Variants in AGBL4 observed in about 807,000 individuals in gnomAD.
AGBL4 encodes the protein AGBL carboxypeptidase 4, also known as cytosolic carboxypeptidase 6.
In AGBL4, 58 loss-of-function variants were observed where a neutral mutation model predicts 66.4. The observed-to-expected ratio is 0.87, with a 90% confidence interval of 0.71 to 1.09. The LOEUF (loss-of-function observed/expected upper bound fraction) is 1.09. Ranked by LOEUF, AGBL4 falls within the 50% of genes least tolerant of loss-of-function variation. The probability of loss-of-function intolerance (pLI) is 0.00; values close to 1 mark genes in which losing one functional copy is unlikely to be tolerated. For missense variants in AGBL4, 579 were observed against 631.0 expected, an observed-to-expected ratio of 0.92 and a Z score of 0.88; for synonymous variants, 234 against 222.9, an observed-to-expected ratio of 1.05 and a Z score of -0.44.
chr1:49,157,280 C>T (rs1458633990), intron 4 of AGBL4, among the ~76,000 whole-genome samples: 12 of 151,354 alleles, frequency 7.9e-5, no homozygotes, highest in African/African-American at 2.9e-4. Flanking sequence ...TTCCCCTCCC[C>T]GTGTCCATGT....
In AGBL4 at chr1:49,483,341, T is replaced by C. The variant is rs567196600; in HGVS notation, c.282+213972A>G. Reference sequence around the variant, plus strand: ...AGACACTGAACAAGACACCAAAAAATAGAAAATTATTCCCTGTTCATGGAT... The same window carrying C: ...AGACACTGAACAAGACACCAAAAAACAGAAAATTATTCCCTGTTCATGGAT... On this transcript the variant is annotated intron_variant, in intron 3 of 13. Transcript: ENST00000371839. Among the ~76,000 whole-genome samples, 5 of 152,134 alleles carry C rather than the reference T, an allele frequency of 3.3e-5. No homozygotes were observed. The East Asian group carries it at 9.7e-4, about 29-fold the overall frequency.
chr1:48,818,410 G>A (rs145998339), intron 6 of AGBL4, among the ~76,000 whole-genome samples: 33 of 152,196 alleles, frequency 2.2e-4, no homozygotes, highest in African/African-American at 7.7e-4. Context: ...TGCTTTTTTG[G>A]TCTGGGAGGT....
rs533744310 is a variant in AGBL4 at position 49,791,384 on chromosome 1, T to C, written c.157+60012A>G. ...CCTACTGTAAAATTTTCTGCCTTAG[T>C]GTAGTTCAATTCTAATAGCCCATTA... On this transcript the variant is annotated intron_variant, in intron 2 of 13. Transcript: ENST00000371839. Among the ~76,000 whole-genome samples, 9 of 152,206 alleles carry C rather than the reference T, an allele frequency of 5.9e-5. No individual in the cohort carries two copies. The South Asian group carries it at 1.7e-3, about 28-fold the overall frequency.
chr1:48,648,405 C>A (rs1039744108), intron 8 of AGBL4, among the ~76,000 whole-genome samples: 2 of 152,166 alleles, frequency 1.3e-5, no homozygotes, highest in Non-Finnish European at 2.9e-5. Context: ...TAGAGCCTCT[C>A]CCCCGCGCTT....
At chr1:49,330,025 G>A (rs796364494) in intron 3 of AGBL4, among the ~76,000 whole-genome samples, 11 of 152,142 alleles carry the variant, frequency 7.2e-5, no homozygotes, top group Non-Finnish European at 1.0e-4. Context: ...TGAAAAACAC[G>A]GAATGAAAAG....
At chr1:48,604,448 T>C (rs1293001890) in intron 9 of AGBL4, among the ~76,000 whole-genome samples, 1 of 152,188 alleles carries the variant, frequency 6.6e-6, no homozygotes, top group Non-Finnish European at 1.5e-5. Flanking sequence ...AATATGGCTA[T>C]TTGAATGAAA....
At chr1:49,845,201 C>A in intron 2 of AGBL4, 1 of 1,458,094 alleles carries the variant, frequency 6.9e-7, no homozygotes, top group Non-Finnish European at 9.6e-7. Flanking sequence ...AACAGCTCGG[C>A]ACTTACCAAA....
rs559033055 is a variant in AGBL4 at position 49,382,463 on chromosome 1, C to A, written c.283-136599G>T. On this transcript the variant is annotated intron_variant, in intron 3 of 13. Transcript: ENST00000371839. ...AAATTTTTTGACAAAATTCAATACC[C>A]TTTCATGATGAAAAAAAAAGTCAAC... Among the ~76,000 whole-genome samples the A allele has an allele frequency of 5.9e-5, 9 of 152,000 alleles. No homozygotes were observed. The South Asian group carries it at 1.9e-3, about 32-fold the overall frequency.
At chr1:49,939,922 A>G (rs1394052139) in intron 1 of AGBL4, among the ~76,000 whole-genome samples, 144 of 152,198 alleles carry the variant, frequency 9.5e-4, no homozygotes, top group African/African-American at 3.3e-3. Flanking sequence ...GCAACCTATA[A>G]AATGGGAGAA....
At position 49,530,550 on chromosome 1, in the gene AGBL4, C is replaced by T. The variant is rs1651054798; in HGVS notation, c.282+166763G>A. On this transcript the variant is annotated intron_variant, in intron 3 of 13. Coordinates refer to ENST00000371839, the MANE Select transcript of AGBL4 (RefSeq NM_032785.4). ...AGTTCAGTTTTCATTTAAGTATATC[C>T]CAGCCACCTCTCTGAAATAGTCTCT... Among the ~76,000 whole-genome samples the T allele has an allele frequency of 3.3e-5, 5 of 152,014 alleles. No individual in the cohort carries two copies. In the South Asian group the frequency reaches 1.0e-3, roughly 32 times the overall value.
chr1:49,357,299 C>A (rs1485323092), intron 3 of AGBL4, among the ~76,000 whole-genome samples: 1 of 152,160 alleles, frequency 6.6e-6, no homozygotes, highest in Non-Finnish European at 1.5e-5. Context: ...TGATTGTAAG[C>A]TATTGAGGGT....
At chr1:49,616,384 C>G (rs1020872263) in intron 3 of AGBL4, among the ~76,000 whole-genome samples, 3 of 152,120 alleles carry the variant, frequency 2.0e-5, no homozygotes, top group Non-Finnish European at 2.9e-5. Context: ...TTATACTGTT[C>G]TGGTTTTCCT....
chr1:49,939,568 T>A (rs1654512908), intron 1 of AGBL4, among the ~76,000 whole-genome samples: 1 of 152,046 alleles, frequency 6.6e-6, no homozygotes, highest in Non-Finnish European at 1.5e-5. Context: ...AACTATCTGA[T>A]CTTTGACAAA....
At chr1:48,695,615 G>A (rs967879955) in intron 6 of AGBL4, among the ~76,000 whole-genome samples, 2 of 151,884 alleles carry the variant, frequency 1.3e-5, no homozygotes, top group Admixed American at 6.6e-5. Context: ...ACAGCGGACC[G>A]GCCCGTTACA....
chr1:48,712,475 T>G (rs1241625905), intron 6 of AGBL4, among the ~76,000 whole-genome samples: 2 of 152,190 alleles, frequency 1.3e-5, no homozygotes, highest in Non-Finnish European at 2.9e-5. Flanking sequence ...TCAATGTTGT[T>G]GTGAATTAAA....
intron 4 of AGBL4, among the ~76,000 whole-genome samples, chr1:49,207,532 T>TTTCTTTC (rs1648281061): frequency 1.5e-5 from 2 of 129,800 alleles, no homozygotes; most frequent in East Asian, 4.7e-4. Context: ...TCTCTCTTTC[T>TTTCTTTC]TTTTCTTTCT....
chr1:49,095,210 C>T (rs527357388), intron 4 of AGBL4, among the ~76,000 whole-genome samples: 1 of 152,268 alleles, frequency 6.6e-6, no homozygotes, highest in African/African-American at 2.4e-5. Context: ...GAAGAACATT[C>T]CATGCTCATG....
rs139913088 is a variant in AGBL4 at position 48,809,843 on chromosome 1, T to C, written c.634+57348A>G. Among the ~76,000 whole-genome samples, 28 of 152,272 alleles carry C rather than the reference T, an allele frequency of 1.8e-4. No homozygotes were observed. In the East Asian group the frequency reaches 5.0e-3, roughly 27 times the overall value. ...CACACTGTTGGCAAGTAAGTCCCCT[T>C]GTTTCATTGTCTCAAATATTCCTCA... On this transcript the variant is annotated intron_variant, in intron 6 of 13. Coordinates refer to ENST00000371839, the MANE Select transcript of AGBL4 (RefSeq NM_032785.4).
chr1:49,404,689 T>G (rs1259545582), intron 3 of AGBL4, among the ~76,000 whole-genome samples: 3 of 152,216 alleles, frequency 2.0e-5, no homozygotes, highest in African/African-American at 4.8e-5. Context: ...AAATTATGAA[T>G]TCTTTATGTC....
Sources: allele counts gnomAD v4.1 joint callset (sites outside exome capture counted in the v4.1 genomes callset), GRCh38; gene constraint gnomAD v4.1.1; transcripts MANE v1.5; gene names NCBI Gene and HGNC (gene_info 2026-07-23, HGNC 2026-07-21).